PLOD2: variants seen among roughly 807,000 people sequenced by gnomAD.
The protein encoded by PLOD2 is lysine hydroxylase 2.
PLOD2 carries 65 observed loss-of-function variants against 101.0 expected under a neutral mutation model. The observed-to-expected ratio is 0.64, with a 90% CI of 0.53 to 0.79. PLOD2 has a LOEUF of 0.79. PLOD2 is among the 30% of genes least tolerant of loss of function. The pLI is 0.00. For synonymous variants in PLOD2, 314 were observed against 302.9 expected (o/e 1.04, Z -0.38); for missense variants, 909 against 914.6 (o/e 0.99, Z 0.08).
At chr3:146,143,655 A>G (rs2031639840) in intron 1 of PLOD2, among the ~76,000 whole-genome samples, 1 of 152,140 alleles carries the variant, frequency 6.6e-6, no homozygotes, top group South Asian at 2.1e-4. Context: ...GCCACAATGT[A>G]TATAGTTTAG....
intron 7 of PLOD2, among the ~76,000 whole-genome samples, chr3:146,097,203 C>T (rs1270359644): frequency 1.3e-5 from 2 of 151,328 alleles, no homozygotes; most frequent in Non-Finnish European, 3.0e-5. Context: ...CCCGGCCAGC[C>T]GCCCCATCCG....
chr3:146,075,917 T>C (rs1461562848), intron 15 of PLOD2: 3 of 151,770 alleles, frequency 2.0e-5, no homozygotes, highest in African/African-American at 7.2e-5. Context: ...GTCGTTTTAA[T>C]TTTTTTCTTT....
intron 1 of PLOD2, among the ~76,000 whole-genome samples, chr3:146,141,281 T>C (rs766233329): frequency 3.3e-5 from 5 of 152,136 alleles, no homozygotes; most frequent in Non-Finnish European, 5.9e-5. Context: ...ACTACTGCAT[T>C]AACTCTTCTG....
chr3:146,103,749 TG>T (rs911869598), intron 6 of PLOD2, among the ~76,000 whole-genome samples: 1 of 151,996 alleles, frequency 6.6e-6, no homozygotes, highest in Non-Finnish European at 1.5e-5. Context: ...TTTACTGTAT[TG>T]ATTAGTTTTA....
At chr3:146,150,205 A>G (rs2031991027) in intron 1 of PLOD2, among the ~76,000 whole-genome samples, 1 of 152,196 alleles carries the variant, frequency 6.6e-6, no homozygotes, top group Non-Finnish European at 1.5e-5. Flanking sequence ...CTTTGCTCCC[A>G]CAAACTGATT....
At chr3:146,093,376 G>A (rs555731526) in intron 7 of PLOD2, among the ~76,000 whole-genome samples, 15 of 152,248 alleles carry the variant, frequency 9.9e-5, no homozygotes, top group African/African-American at 3.6e-4. Flanking sequence ...AAATTACAAG[G>A]CAGGAAAGAT....
chr3:146,123,296 A>G, intron 2 of PLOD2: 1 of 1,181,780 alleles, frequency 8.5e-7, no homozygotes, highest in Non-Finnish European at 1.1e-6. Context: ...TCTTATTTGT[A>G]GAAAAGACTT....
At chr3:146,109,288 C>G (rs902179717) in intron 4 of PLOD2, among the ~76,000 whole-genome samples, 13 of 152,142 alleles carry the variant, frequency 8.5e-5, no homozygotes, top group African/African-American at 3.1e-4. Context: ...CCAGGCAGTG[C>G]AAACTGGAAT....
At chr3:146,123,996 A>G in intron 2 of PLOD2, 142 bp downstream of exon 2, 1 of 630,334 alleles carries the variant, frequency 1.6e-6, no homozygotes, top group Non-Finnish European at 2.9e-6. Flanking sequence ...ATATTAATAA[A>G]GCCAAAAACT....
At chr3:146,159,808 C>T (rs2032483120) in intron 1 of PLOD2, among the ~76,000 whole-genome samples, 1 of 152,218 alleles carries the variant, frequency 6.6e-6, no homozygotes, top group Non-Finnish European at 1.5e-5. Flanking sequence ...AAAGCAAGCA[C>T]TGTTTTGTAG....
rs1936739712 is a variant in PLOD2 at position 146,085,598 on chromosome 3, C to T, written c.1128-325G>A. 1.2e-5 allele frequency: 4 copies of T among 333,858 alleles called. No homozygotes were observed. The East Asian group carries it at 1.9e-4, about 16-fold the overall frequency. The allele number at this position is 333,858 out of a possible 1,614,324, so 20.7% of individuals were successfully genotyped here. On this transcript the variant is annotated intron_variant, in intron 10 of 19. Coordinates refer to ENST00000282903, the MANE Select transcript of PLOD2 (RefSeq NM_182943.3). ...ATACATACATACATACACATGCACACAAATGCAACTTACATATCCCACAAC... is the reference window on the plus strand; with the variant it reads ...ATACATACATACATACACATGCACATAAATGCAACTTACATATCCCACAAC...
chr3:146,074,374 A>G (rs1936256480), intron 15 of PLOD2, among the ~76,000 whole-genome samples: 1 of 151,558 alleles, frequency 6.6e-6, no homozygotes, highest in Admixed American at 6.6e-5. Context: ...GATGTTTTAA[A>G]AGATATTTGC....
At chr3:146,107,621 AATT>A (rs1937558410) in intron 4 of PLOD2, among the ~76,000 whole-genome samples, 8 of 134,418 alleles carry the variant, frequency 6.0e-5, no homozygotes, top group Non-Finnish European at 1.2e-4. Context: ...TTGCCATATA[AATT>A]TTTTTTTTTT....
intron 7 of PLOD2, among the ~76,000 whole-genome samples, chr3:146,099,473 T>C (rs1057304515): frequency 1.3e-5 from 2 of 152,172 alleles, no homozygotes; most frequent in Non-Finnish European, 2.9e-5. Flanking sequence ...CTTGGCTGAC[T>C]GCAACCTCTG....
At chr3:146,118,956 G>C (rs1938049137) in intron 3 of PLOD2, among the ~76,000 whole-genome samples, 1 of 152,114 alleles carries the variant, frequency 6.6e-6, no homozygotes, top group African/African-American at 2.4e-5. Context: ...TGTCTCATTA[G>C]TGTTTATGGT....
intron 15 of PLOD2, among the ~76,000 whole-genome samples, chr3:146,075,487 TAAAAAAAAAAA>T (rs35706246): frequency 4.3e-5 from 4 of 93,672 alleles, no homozygotes; most frequent in African/African-American, 1.2e-4. Flanking sequence ...CTCAAATCTG[TAAAAAAAAAAA>T]AAAAAAAAAG....
At chr3:146,072,123 T>C (rs1430010138) in intron 17 of PLOD2, among the ~76,000 whole-genome samples, 3 of 151,722 alleles carry the variant, frequency 2.0e-5, no homozygotes, top group African/African-American at 4.8e-5. Flanking sequence ...GAATTACACC[T>C]AAGGCACTCA....
chr3:146,146,389 G>A (rs1030920319), intron 1 of PLOD2, among the ~76,000 whole-genome samples: 2 of 152,160 alleles, frequency 1.3e-5, no homozygotes, highest in Middle Eastern at 3.4e-3. Flanking sequence ...AAAAACAGAT[G>A]GTCCTATCCC....
intron 7 of PLOD2, among the ~76,000 whole-genome samples, chr3:146,099,977 T>C (rs551421843): frequency 6.7e-6 from 1 of 149,628 alleles, no homozygotes; most frequent in South Asian, 2.1e-4. Flanking sequence ...GTCTCCCGGG[T>C]TGAAGCGATT....
Sources: gnomAD v4.1 joint callset for allele counts (sites outside exome capture counted in the v4.1 genomes callset) on GRCh38, gnomAD v4.1.1 for gene constraint, MANE v1.5 for transcripts, NCBI Gene and HGNC (gene_info 2026-07-23, HGNC 2026-07-21) for gene names.